Variants in ZNF541 observed in about 807,000 individuals in gnomAD.
ZNF541 encodes the protein zinc finger protein 541.
ZNF541 carries 23 observed loss-of-function variants against 123.5 expected under a neutral mutation model. The ratio of observed to expected loss-of-function variants is 0.19; its 90% CI spans 0.13 to 0.26. The LOEUF (loss-of-function observed/expected upper bound fraction) is 0.26. Among genes scored for constraint, ZNF541 ranks in the 10% least tolerant of loss-of-function variants. The pLI is 1.00. For synonymous variants in ZNF541, 751 were observed against 754.5 expected (o/e 1.00, Z 0.08); for missense variants, 1,612 against 1,789.9 (o/e 0.90, Z 1.79).
At chr19:47,539,536 A>G (rs1198654793) in intron 8 of ZNF541, among the ~76,000 whole-genome samples, 169 bp downstream of exon 8, 1 of 152,062 alleles carries the variant, frequency 6.6e-6, no homozygotes, top group African/African-American at 2.4e-5. Flanking sequence ...ACCTGAGCTC[A>G]GGCAATCCAC....
In ZNF541 at chr19:47,521,257, C is replaced by T. The variant is rs1302154230; in HGVS notation, c.4008G>A (p.Glu1336=). 3.9e-6 allele frequency: 6 copies of T among 1,551,644 alleles called. No homozygotes were observed. Among genetic ancestry groups the T allele is most frequent in the South Asian group, 2.4e-5 (2 of 84,072 alleles). Residue 1336 remains glutamate (E), a synonymous_variant, in exon 17 of 17, where the codon GAG becomes GAA. Transcript: ENST00000391901. The surrounding 1 kb of genome is among the most constrained non-coding windows in gnomAD (Gnocchi z 4.2). ...GCAGGGGGCCGATGTCAGCTCCCAG[C>T]TCCTCTTCCTTTAGCTGGAAGGGCT... ...PVKPFQLKEE[E]LGADIGPLQW is the part of the protein sequence containing the mutation.
intron 4 of ZNF541, among the ~76,000 whole-genome samples, 156 bp downstream of exon 4, chr19:47,549,089 G>A (rs1230678405): frequency 6.6e-6 from 1 of 150,814 alleles, no homozygotes; most frequent in Admixed American, 6.6e-5. Flanking sequence ...AGCATGGAGT[G>A]GCTGTGGCTG....
intron 5 of ZNF541, among the ~76,000 whole-genome samples, chr19:47,542,225 G>T (rs538993836): frequency 3.9e-5 from 6 of 152,182 alleles, no homozygotes; most frequent in South Asian, 2.1e-4. Flanking sequence ...CCAGGCCCTG[G>T]GGGGAGGGCG....
intron 2 of ZNF541, among the ~76,000 whole-genome samples, chr19:47,567,804 T>C (rs944371937): frequency 6.6e-6 from 1 of 152,198 alleles, no homozygotes; most frequent in African/African-American, 2.4e-5. Flanking sequence ...TCTGGAGGCA[T>C]CTGAGTTTAT....
In ZNF541 at chr19:47,559,297, G is replaced by A. The variant is rs184711744; in HGVS notation, c.-98-3343C>T. 2.1e-3 allele frequency among the ~76,000 whole-genome samples: 316 copies of A among 151,738 alleles called. 1 individual carries two copies. The highest frequency in any genetic ancestry group is 7.4e-3 in the African/African-American group (307 of 41,438). On this transcript the variant is annotated intron_variant, in intron 2 of 16. Transcript: ENST00000391901. ...TGAGGCACAAGAATCACTTGAACCC[G>A]GGAAGCAGAGGTTGCAGTGAGCTGA...
chr19:47,542,211 G>C (rs1970109791), intron 5 of ZNF541, among the ~76,000 whole-genome samples: 2 of 152,170 alleles, frequency 1.3e-5, no homozygotes, highest in Admixed American at 1.3e-4. Flanking sequence ...GAGACTCGTG[G>C]CTGCCAGGCC....
rs2123458604 is a variant in ZNF541 at position 47,572,029 on chromosome 19, C to T, written c.-232G>A. On this transcript the variant is annotated 5_prime_UTR_variant, in exon 2 of 17. Coordinates refer to ENST00000391901, the MANE Select transcript of ZNF541 (RefSeq NM_001277075.3). Reference sequence around the variant, plus strand: ...CTGAGTGGTAAATGCAGGATACTCCCAATTTCTTTTGCCCTGAAAGCAGGT... The same window carrying T: ...CTGAGTGGTAAATGCAGGATACTCCTAATTTCTTTTGCCCTGAAAGCAGGT... 6.6e-6 allele frequency among the ~76,000 whole-genome samples: 1 copy of T among 152,262 alleles called. No homozygotes were observed. The highest frequency in any genetic ancestry group is 3.4e-3 in the Middle Eastern group (1 of 294).
intron 9 of ZNF541, among the ~76,000 whole-genome samples, chr19:47,536,135 G>C (rs1189091544): frequency 6.6e-6 from 1 of 152,238 alleles, no homozygotes. Context: ...TGTGGTTTAA[G>C]AACGCCTTTA....
At position 47,521,394 on chromosome 19, in the gene ZNF541, G is replaced by A. The variant is rs1159337368; in HGVS notation, c.3888-17C>T. 3.2e-6 allele frequency: 5 copies of A among 1,551,650 alleles called. No homozygotes were observed. The highest frequency in any genetic ancestry group is 2.0e-5 in the Admixed American group (1 of 51,004). On this transcript the variant is annotated splice_polypyrimidine_tract_variant and intron_variant, in intron 16 of 16. Coordinates refer to ENST00000391901, the MANE Select transcript of ZNF541 (RefSeq NM_001277075.3). The surrounding 1 kb of genome is among the most constrained non-coding windows in gnomAD (Gnocchi z 4.2). ...TCAAACACCCTGAGGAGTCACCAGA[G>A]GACATGGGGTCAGAGCAGGGAGGAA...
chr19:47,561,596 C>A (rs141857949), intron 2 of ZNF541, among the ~76,000 whole-genome samples: 12 of 152,278 alleles, frequency 7.9e-5, no homozygotes, highest in Admixed American at 7.2e-4. Context: ...CTCTGGCTGA[C>A]CTTCGCTCTG....
At chr19:47,572,240 C>T (rs1971500613) in intron 1 of ZNF541, among the ~76,000 whole-genome samples, 198 bp from the exon 2 acceptor site, 1 of 152,132 alleles carries the variant, frequency 6.6e-6, no homozygotes, top group East Asian at 1.9e-4. Flanking sequence ...ATTTTTCCCC[C>T]GTGGGAAGAG....
chr19:47,569,840 C>T (rs796392234), intron 2 of ZNF541, among the ~76,000 whole-genome samples: 4 of 151,798 alleles, frequency 2.6e-5, no homozygotes, highest in African/African-American at 7.3e-5. Context: ...GATCACACCA[C>T]GGCACTCCAG....
intron 5 of ZNF541, among the ~76,000 whole-genome samples, chr19:47,543,033 A>C (rs902495577): frequency 6.6e-6 from 1 of 152,126 alleles, no homozygotes; most frequent in Non-Finnish European, 1.5e-5. Flanking sequence ...CCAACACTTT[A>C]GGAGGCCGAG....
intron 4 of ZNF541, among the ~76,000 whole-genome samples, chr19:47,546,408 C>G (rs1376841116): frequency 6.6e-6 from 1 of 152,020 alleles, no homozygotes; most frequent in African/African-American, 2.4e-5. Flanking sequence ...ACTGGGGAAG[C>G]TGAGGCAAGA....
At chr19:47,531,854 T>C in intron 11 of ZNF541, 109 bp from the exon 12 acceptor site, 1 of 1,047,648 alleles carries the variant, frequency 9.5e-7, no homozygotes, top group South Asian at 1.6e-5. Flanking sequence ...CCCTTCTCTC[T>C]CCTGCATCTC....
chr19:47,548,666 GT>G (rs1244883305), intron 4 of ZNF541, among the ~76,000 whole-genome samples: 1 of 152,096 alleles, frequency 6.6e-6, no homozygotes, highest in Non-Finnish European at 1.5e-5. Flanking sequence ...GCTGTTAGGC[GT>G]TTTTAACCCA....
intron 9 of ZNF541, among the ~76,000 whole-genome samples, chr19:47,537,115 G>A (rs1017702734): frequency 1.1e-4 from 16 of 152,202 alleles, no homozygotes; most frequent in East Asian, 1.9e-4. Flanking sequence ...CACTGCTAAT[G>A]AGCTCTGGCT....
rs1316281059 is a variant in ZNF541 at position 47,544,315 on chromosome 19, G to A, written c.2214C>T (p.Ser738=). The part of the protein sequence containing the change: ...ITKGEKGPAC[S]RGGGYRLLGN... ...CCAAGAGCCGGTAGCCTCCACCCCG[G>A]GAGCAGGCTGGGCCCTTTTCACCTT... The change falls in exon 5 of 17, where the codon TCC becomes TCT. Residue 738 remains serine (S), a synonymous_variant. Transcript: ENST00000391901. 1.9e-6 allele frequency: 3 copies of A among 1,551,528 alleles called. No individual in the cohort carries two copies. The highest frequency in any genetic ancestry group is 1.7e-6 in the Non-Finnish European group (2 of 1,147,014).
chr19:47,532,729 T>C (rs960150701), intron 10 of ZNF541, among the ~76,000 whole-genome samples, 180 bp downstream of exon 10: 1 of 152,134 alleles, frequency 6.6e-6, no homozygotes, highest in African/African-American at 2.4e-5. Context: ...TATATATTTG[T>C]AGAAGGAATA....
Sources: allele counts gnomAD v4.1 joint callset (sites outside exome capture counted in the v4.1 genomes callset), GRCh38; gene constraint gnomAD v4.1.1; non-coding constraint Gnocchi (gnomAD v3.1); transcripts MANE v1.5; gene names NCBI Gene and HGNC (gene_info 2026-07-23, HGNC 2026-07-21).